IL36B: variants seen among roughly 807,000 people sequenced by gnomAD.
IL36B encodes the protein interleukin-36 beta.
In IL36B, 23 loss-of-function variants were observed where a neutral mutation model predicts 19.3. That is an observed-to-expected ratio of 1.19 (90% CI 0.86 to 1.69). IL36B has a LOEUF of 1.69. Ranked by LOEUF, IL36B falls within the 40% of genes most tolerant of loss-of-function variation. IL36B has a pLI of 0.00. For missense variants in IL36B, 217 were observed against 200.5 expected (o/e 1.08, Z -0.50); for synonymous variants, 59 against 59.7 (o/e 0.99, Z 0.05).
chr2:113,037,640 A>T, intron 1 of IL36B, among the ~76,000 whole-genome samples: 1 of 149,182 alleles, frequency 6.7e-6, no homozygotes, highest in Non-Finnish European at 1.5e-5. Context: ...CAAGAGCAAA[A>T]CTCTATCTCA....
chr2:113,022,833 C>T (rs976072941), intron 5 of IL36B: 1 of 1,207,592 alleles, frequency 8.3e-7, no homozygotes, highest in Admixed American at 1.7e-5. Flanking sequence ...ATTTGCTAAA[C>T]CACCAATTGA....
At chr2:113,023,623 T>A (rs1200831917) in intron 5 of IL36B, among the ~76,000 whole-genome samples, 1 of 152,222 alleles carries the variant, frequency 6.6e-6, no homozygotes, top group Non-Finnish European at 1.5e-5. Flanking sequence ...TTTAATTGCA[T>A]CCTTAGTTAA....
At chr2:113,039,322 A>T (rs1192186019) in intron 1 of IL36B, among the ~76,000 whole-genome samples, 3 of 152,142 alleles carry the variant, frequency 2.0e-5, no homozygotes, top group African/African-American at 7.2e-5. Context: ...AGAGGGAAAA[A>T]CCAAATACTC....
intron 4 of IL36B, among the ~76,000 whole-genome samples, chr2:113,026,537 C>T (rs565340952): frequency 3.3e-5 from 5 of 152,268 alleles, no homozygotes; most frequent in African/African-American, 1.2e-4. Flanking sequence ...AGAAGACAGC[C>T]TGTTATGCTC....
At position 113,032,953 on chromosome 2, in the gene IL36B, G is replaced by A. The variant is rs543930119; in HGVS notation, c.-57-1187C>T. Among the ~76,000 whole-genome samples the A allele has an allele frequency of 2.5e-4, 38 of 152,320 alleles. No individual in the cohort carries two copies. In the South Asian group the frequency reaches 7.5e-3, roughly 30 times the overall value. On this transcript the variant is annotated intron_variant, in intron 1 of 5. Transcript: ENST00000259213. ...AACAGCAATGAGGAAATGCGGATTA[G>A]GCCAGATGCTGAGTTGAGGAGAGTG...
At chr2:113,038,421 T>C (rs543044677) in intron 1 of IL36B, among the ~76,000 whole-genome samples, 7 of 152,200 alleles carry the variant, frequency 4.6e-5, no homozygotes, top group Non-Finnish European at 1.0e-4. Context: ...AAGTCTGAAA[T>C]GGTTCTAGGT....
chr2:113,030,947 A>T (rs765200663), intron 3 of IL36B, 101 bp downstream of exon 3: 54 of 802,810 alleles, frequency 6.7e-5, no homozygotes, highest in Non-Finnish European at 1.1e-4. Context: ...TGGTGCCTAG[A>T]AGTGGGTGAG....
chr2:113,040,090 A>G (rs905624490), intron 1 of IL36B, among the ~76,000 whole-genome samples: 3 of 152,258 alleles, frequency 2.0e-5, no homozygotes, highest in Non-Finnish European at 4.4e-5. Context: ...AAGATCATCA[A>G]TGAAGACCAA....
chr2:113,038,139 T>C (rs1161634908), intron 1 of IL36B, among the ~76,000 whole-genome samples: 2 of 152,194 alleles, frequency 1.3e-5, no homozygotes, highest in Non-Finnish European at 2.9e-5. Context: ...AGAGAACAGA[T>C]TGTACTGATA....
In IL36B at chr2:113,029,040, T is replaced by A. The variant is rs1394767624; in HGVS notation, c.160A>T (p.Ser54Cys). ...ACCATATTACCCTTTTCCTTGTCAC[T>A]GAATTCTGTGTCTCTACAGGCTATT... is the stretch of plus-strand genomic sequence containing the variant. The change falls in exon 4 of 6, where the codon AGT becomes TGT. Residue 54 changes from serine (S) to cysteine (C), a missense_variant. Transcript: ENST00000259213. 1 of 1,613,880 alleles carries A rather than the reference T, an allele frequency of 6.2e-7. No homozygotes were observed. Among genetic ancestry groups the A allele is most frequent in the Non-Finnish European group, 8.5e-7 (1 of 1,179,772 alleles).
At chr2:113,033,708 T>C (rs1685119059) in intron 1 of IL36B, among the ~76,000 whole-genome samples, 1 of 152,226 alleles carries the variant, frequency 6.6e-6, no homozygotes, top group Non-Finnish European at 1.5e-5. Flanking sequence ...CCCTGGGTCA[T>C]AGTCTCCTGC....
At chr2:113,038,327 C>T (rs1214691458) in intron 1 of IL36B, among the ~76,000 whole-genome samples, 1 of 152,240 alleles carries the variant, frequency 6.6e-6, no homozygotes, top group East Asian at 1.9e-4. Context: ...GACATCTGCC[C>T]AGTGTCTAGT....
Position 113,038,627 on chromosome 2 carries a change from A to G in IL36B, c.-57-6861T>C, listed in dbSNP as rs865893721. 3.3e-5 allele frequency among the ~76,000 whole-genome samples: 5 copies of G among 152,164 alleles called. No individual in the cohort carries two copies. In the South Asian group the frequency reaches 8.3e-4, roughly 25 times the overall value. On this transcript the variant is annotated intron_variant, in intron 1 of 5. Coordinates refer to ENST00000259213, the MANE Select transcript of IL36B (RefSeq NM_014438.5). ...AAGTCTCAGTCCAATTTGGCCACAC[A>G]CTGAGGAGGTTGGTTAATGTAGGGG...
At chr2:113,047,006 CTTAT>C (rs1050441769) in intron 1 of IL36B, among the ~76,000 whole-genome samples, 3 of 152,174 alleles carry the variant, frequency 2.0e-5, no homozygotes, top group African/African-American at 7.2e-5. Flanking sequence ...ATTAGTCTGT[CTTAT>C]TTATTTATTT....
intron 1 of IL36B, among the ~76,000 whole-genome samples, chr2:113,047,477 G>A (rs537918596): frequency 5.9e-5 from 9 of 152,166 alleles, no homozygotes; most frequent in South Asian, 2.1e-4. Flanking sequence ...GCTTAATTCC[G>A]TAGTGTAATT....
At chr2:113,050,414 GA>G (rs1685422454) in intron 1 of IL36B, among the ~76,000 whole-genome samples, 1 of 152,116 alleles carries the variant, frequency 6.6e-6, no homozygotes, top group African/African-American at 2.4e-5. Context: ...CATAGAGATG[GA>G]AAGTAAAATG....
chr2:113,036,896 G>T (rs1054316568), intron 1 of IL36B, among the ~76,000 whole-genome samples: 3 of 152,254 alleles, frequency 2.0e-5, no homozygotes, highest in Non-Finnish European at 2.9e-5. Flanking sequence ...TGTGTAGCCT[G>T]CCTATCTTGC....
chr2:113,048,323 T>A (rs1460886939), intron 1 of IL36B, among the ~76,000 whole-genome samples: 2 of 152,132 alleles, frequency 1.3e-5, no homozygotes, highest in Non-Finnish European at 2.9e-5. Flanking sequence ...GCACCTGTAA[T>A]CCCAGCTACT....
intron 4 of IL36B, chr2:113,028,098 G>C (rs1684998552): frequency 6.2e-7 from 1 of 1,613,920 alleles, no homozygotes. Context: ...CCACATACAG[G>C]TCCATGATAT....
Sources: gnomAD v4.1 joint callset for allele counts (sites outside exome capture counted in the v4.1 genomes callset) on GRCh38, gnomAD v4.1.1 for gene constraint, MANE v1.5 for transcripts, NCBI Gene and HGNC (gene_info 2026-07-23, HGNC 2026-07-21) for gene names.